Variants in LIN9 observed in about 807,000 individuals in gnomAD.
LIN9 encodes the protein lin-9 DREAM MuvB core complex component.
In LIN9, 18 loss-of-function variants were observed where a neutral mutation model predicts 78.0. The ratio of observed to expected loss-of-function variants is 0.23; its 90% confidence interval spans 0.16 to 0.34. LIN9 has a LOEUF of 0.34. Among genes scored for constraint, LIN9 ranks in the 10% least tolerant of loss-of-function variants. The probability of loss-of-function intolerance (pLI) is 1.00; values close to 1 mark genes in which losing one functional copy is unlikely to be tolerated. For missense variants in LIN9, 451 were observed against 644.1 expected (o/e 0.70, Z 3.25); for synonymous variants, 192 against 215.2 (o/e 0.89, Z 0.94).
chr1:226,275,691 CAGAAAAAAAAAAA>C (rs1203423522), intron 7 of LIN9, among the ~76,000 whole-genome samples: 5 of 43,430 alleles, frequency 1.2e-4, no homozygotes, highest in African/African-American at 4.8e-4. Context: ...GACTCCGTCT[CAGAAAAAAAAAAA>C]AAAAAAAAGA....
At chr1:226,242,119 G>A (rs142190830) in intron 11 of LIN9, among the ~76,000 whole-genome samples, 74 of 152,244 alleles carry the variant, frequency 4.9e-4, no homozygotes, top group South Asian at 6.2e-4. Context: ...GTACAAGAAT[G>A]ACCAAACCAA....
chr1:226,241,397 CAAAA>C (rs1167812696), intron 11 of LIN9, among the ~76,000 whole-genome samples: 1 of 152,110 alleles, frequency 6.6e-6, no homozygotes, highest in African/African-American at 2.4e-5. Flanking sequence ...TAATCAAAAT[CAAAA>C]TCATTAAAAG....
chr1:226,286,606 G>A, intron 5 of LIN9, 148 bp from the exon 6 acceptor site: 1 of 595,600 alleles, frequency 1.7e-6, no homozygotes, highest in Non-Finnish European at 2.8e-6. Flanking sequence ...TAAATCCTTG[G>A]CATTTGTGAA....
intron 11 of LIN9, among the ~76,000 whole-genome samples, chr1:226,242,891 T>C (rs1024401410): frequency 2.8e-5 from 3 of 105,314 alleles, no homozygotes; most frequent in African/African-American, 1.1e-4. Context: ...ATATGTTTTC[T>C]TTACCTTATG....
chr1:226,244,841 T>C (rs1456232882), intron 11 of LIN9, among the ~76,000 whole-genome samples: 1 of 152,192 alleles, frequency 6.6e-6, no homozygotes, highest in African/African-American at 2.4e-5. Flanking sequence ...CAAGCTACCT[T>C]CCAAAAAGAC....
intron 11 of LIN9, among the ~76,000 whole-genome samples, chr1:226,239,637 T>TGG (rs896374133): frequency 6.6e-6 from 1 of 152,166 alleles, no homozygotes; most frequent in African/African-American, 2.4e-5. Flanking sequence ...AACTGCAAAA[T>TGG]GGGGATTATA....
chr1:226,277,981 A>C, intron 6 of LIN9, 49 bp from the exon 7 acceptor site: 1 of 1,461,808 alleles, frequency 6.8e-7, no homozygotes, highest in Non-Finnish European at 9.3e-7. Flanking sequence ...CCCCATATAA[A>C]AACTTAAAAT....
At position 226,232,091 on chromosome 1, in the gene LIN9, T is replaced by C; in HGVS notation, c.*410A>G. The C allele has an allele frequency of 2.5e-6, 1 of 398,804 alleles. No homozygotes were observed. The highest frequency in any genetic ancestry group is 4.4e-6 in the Non-Finnish European group (1 of 226,072). 24.7% of individuals were successfully genotyped at this position (398,804 alleles called of 1,614,324 possible). A position where few individuals can be genotyped will look rare whatever the true frequency, so the allele number is the denominator to read the frequency against. ...TGGAGTTGTAATTTTCTGGATGGAA[T>C]TTCCACACTGCCACCGACATGAATA... On this transcript the variant is annotated 3_prime_UTR_variant, in exon 15 of 15. Transcript: ENST00000681046.
At chr1:226,279,421 A>G (rs1211064260) in intron 6 of LIN9, among the ~76,000 whole-genome samples, 1 of 150,570 alleles carries the variant, frequency 6.6e-6, no homozygotes, top group African/African-American at 2.4e-5. Context: ...CTGTGATTGT[A>G]CCACTGCACT....
At chr1:226,235,207 A>G (rs544920293) in intron 12 of LIN9, among the ~76,000 whole-genome samples, 1 of 151,218 alleles carries the variant, frequency 6.6e-6, no homozygotes, top group East Asian at 2.0e-4. Flanking sequence ...CTGTAATCAT[A>G]GCTACTGGGG....
At chr1:226,293,465 ATTG>A (rs1002218360) in intron 4 of LIN9, among the ~76,000 whole-genome samples, 1 of 152,258 alleles carries the variant, frequency 6.6e-6, no homozygotes, top group Admixed American at 6.5e-5. Flanking sequence ...AGCTAACAAA[ATTG>A]TTATTTAACT....
At chr1:226,302,752 C>A (rs1189733167) in intron 1 of LIN9, among the ~76,000 whole-genome samples, 1 of 152,140 alleles carries the variant, frequency 6.6e-6, no homozygotes, top group Non-Finnish European at 1.5e-5. Flanking sequence ...ATCCTCCTTG[C>A]TATTTAACAA....
intron 11 of LIN9, among the ~76,000 whole-genome samples, chr1:226,244,657 T>C (rs1658347377): frequency 6.6e-6 from 1 of 152,178 alleles, no homozygotes; most frequent in South Asian, 2.1e-4. Context: ...ATGGAAAATA[T>C]CAGATTTAGC....
chr1:226,292,512 A>G (rs527316520), intron 4 of LIN9, among the ~76,000 whole-genome samples: 1 of 152,304 alleles, frequency 6.6e-6, no homozygotes, highest in South Asian at 2.1e-4. Context: ...GCTGGACTGT[A>G]GTGGTCTGAT....
intron 12 of LIN9, 78 bp from the exon 13 acceptor site, chr1:226,233,601 T>C: frequency 9.0e-7 from 1 of 1,107,558 alleles, no homozygotes; most frequent in East Asian, 2.9e-5. Context: ...TGCCCTCTTT[T>C]CAGATTTTAA....
intron 14 of LIN9, 68 bp from the exon 15 acceptor site, chr1:226,232,674 G>T: frequency 1.1e-6 from 1 of 898,324 alleles, no homozygotes; most frequent in East Asian, 2.7e-5. Flanking sequence ...TTTAAAAGAA[G>T]ACCTGAATTT....
chr1:226,256,891 T>C (rs1475498079), intron 10 of LIN9, among the ~76,000 whole-genome samples: 1 of 148,492 alleles, frequency 6.7e-6, no homozygotes, highest in Non-Finnish European at 1.5e-5. Flanking sequence ...GAAAGAAAAA[T>C]ACTTTCTCAG....
chr1:226,268,163 A>G, intron 7 of LIN9, 73 bp from the exon 8 acceptor site: 1 of 1,426,292 alleles, frequency 7.0e-7, no homozygotes, highest in Non-Finnish European at 9.6e-7. Context: ...TGTTCCAAGC[A>G]TGTAATTTAA....
chr1:226,261,894 G>C (rs1659610781), intron 10 of LIN9, among the ~76,000 whole-genome samples: 1 of 152,156 alleles, frequency 6.6e-6, no homozygotes. Context: ...CAGTAATCAA[G>C]ACAGTGTGGT....
Sources: allele counts gnomAD v4.1 joint callset (sites outside exome capture counted in the v4.1 genomes callset), GRCh38; gene constraint gnomAD v4.1.1; transcripts MANE v1.5; gene names NCBI Gene and HGNC (gene_info 2026-07-23, HGNC 2026-07-21).